RORA: variants seen among roughly 807,000 people sequenced by gnomAD.
RORA encodes nuclear receptor ROR-alpha.
RORA carries 7 observed loss-of-function variants against 69.5 expected under a neutral mutation model. The ratio of observed to expected loss-of-function variants is 0.10; its 90% CI spans 0.06 to 0.19. RORA has a LOEUF of 0.19. RORA is among the 10% of genes least tolerant of loss of function. RORA has a pLI of 1.00. For synonymous variants in RORA, 261 were observed against 240.8 expected, an observed-to-expected ratio of 1.08 and a Z score of -0.78; for missense variants, 457 against 663.0, an observed-to-expected ratio of 0.69 and a Z score of 3.41.
intron 1 of RORA, among the ~76,000 whole-genome samples, chr15:60,862,811 A>G (rs2073447540): frequency 1.3e-5 from 2 of 152,196 alleles, no homozygotes; most frequent in Non-Finnish European, 1.5e-5. Flanking sequence ...TCACAATTGT[A>G]TTGTACATCT....
chr15:61,036,070 G>A (rs1022631890), intron 1 of RORA, among the ~76,000 whole-genome samples: 16 of 152,260 alleles, frequency 1.1e-4, no homozygotes, highest in Admixed American at 2.0e-4. Context: ...AAAAGTTACC[G>A]AAAGATAACT....
At chr15:61,110,809 C>G (rs2078999576) in intron 1 of RORA, among the ~76,000 whole-genome samples, 1 of 152,212 alleles carries the variant, frequency 6.6e-6, no homozygotes, top group Non-Finnish European at 1.5e-5. Context: ...CTAACCTTCC[C>G]TGAGCTCCTT....
chr15:60,996,840 G>C (rs1339720447), intron 1 of RORA, among the ~76,000 whole-genome samples: 1 of 152,030 alleles, frequency 6.6e-6, no homozygotes, highest in South Asian at 2.1e-4. Flanking sequence ...AACCCAGGAG[G>C]CGGAGCTTGC....
At chr15:60,821,471 C>T (rs2072893119) in intron 1 of RORA, among the ~76,000 whole-genome samples, 1 of 152,236 alleles carries the variant, frequency 6.6e-6, no homozygotes, top group Non-Finnish European at 1.5e-5. Context: ...CCCAAAGTGG[C>T]TCAAAGGCTT....
chr15:60,562,425 CGGGGTTGGGGG>C (rs2140427103), intron 2 of RORA, among the ~76,000 whole-genome samples: 2 of 126,046 alleles, frequency 1.6e-5, no homozygotes, highest in African/African-American at 3.8e-5. Context: ...TTTTTTGAGG[CGGGGTTGGGGG>C]GGGGTTGCTT....
chr15:60,816,738 A>AAAAAT (rs562605420), intron 1 of RORA, among the ~76,000 whole-genome samples: 10 of 144,686 alleles, frequency 6.9e-5, no homozygotes, highest in East Asian at 2.1e-4. Context: ...GTATAATAAA[A>AAAAAT]AAAATAAAAT....
At chr15:60,553,482 C>A (rs1259338912) in intron 2 of RORA, among the ~76,000 whole-genome samples, 1 of 152,130 alleles carries the variant, frequency 6.6e-6, no homozygotes, top group Non-Finnish European at 1.5e-5. Flanking sequence ...ATAGAGAAAT[C>A]AAAAGAATGG....
At chr15:60,935,635 T>C (rs183069965) in intron 1 of RORA, among the ~76,000 whole-genome samples, 1 of 152,224 alleles carries the variant, frequency 6.6e-6, no homozygotes, top group Admixed American at 6.5e-5. Flanking sequence ...CATCCATTAC[T>C]TATTTATGTT....
At chr15:61,146,297 T>A (rs779612579) in intron 1 of RORA, among the ~76,000 whole-genome samples, 1 of 150,472 alleles carries the variant, frequency 6.6e-6, no homozygotes, top group Non-Finnish European at 1.5e-5. Flanking sequence ...GCCGACCATC[T>A]GTTGTCATCT....
chr15:60,739,866 G>A (rs1260155753), intron 1 of RORA, among the ~76,000 whole-genome samples: 2 of 152,060 alleles, frequency 1.3e-5, no homozygotes, highest in South Asian at 4.1e-4. Context: ...TGTACTTCTC[G>A]TGCTCTTTTT....
At chr15:61,040,163 T>TATATATAA (rs1491503044) in intron 1 of RORA, among the ~76,000 whole-genome samples, 5 of 108,962 alleles carry the variant, frequency 4.6e-5, no homozygotes, top group East Asian at 2.8e-4. Context: ...TATATATATA[T>TATATATAA]AAAATATATG....
intron 1 of RORA, among the ~76,000 whole-genome samples, chr15:60,817,870 A>G (rs1366807604): frequency 1.3e-5 from 2 of 152,240 alleles, no homozygotes; most frequent in Non-Finnish European, 2.9e-5. Flanking sequence ...CTGGGTCTGC[A>G]CACAGTAGGT....
chr15:60,788,329 T>C (rs992267413), intron 1 of RORA, among the ~76,000 whole-genome samples: 1 of 152,156 alleles, frequency 6.6e-6, no homozygotes, highest in Non-Finnish European at 1.5e-5. Context: ...TGCAATAGAA[T>C]GTGCTAAGTT....
chr15:61,184,079 A>T (rs140290438), intron 1 of RORA, among the ~76,000 whole-genome samples: 2 of 152,186 alleles, frequency 1.3e-5, no homozygotes, highest in Non-Finnish European at 2.9e-5. Context: ...TCAAAAACAC[A>T]TCTCTGAACA....
At chr15:60,670,985 A>C (rs548177702) in intron 2 of RORA, among the ~76,000 whole-genome samples, 1 of 151,478 alleles carries the variant, frequency 6.6e-6, no homozygotes, top group Non-Finnish European at 1.5e-5. Context: ...ATATAAGTGT[A>C]AATCCAGTCC....
Position 60,738,636 on chromosome 15 carries a change from C to T in RORA, c.167-59950G>A, listed in dbSNP as rs114738530. ...CATTATTCTTACATTCATTTTTGTC[C>T]TTCTGATTTGAAAAGAAATGAAAAT... is the stretch of plus-strand genomic sequence containing the variant. On this transcript the variant is annotated intron_variant, in intron 1 of 10. Coordinates refer to ENST00000335670, the MANE Select transcript of RORA (RefSeq NM_134261.3). Among the ~76,000 whole-genome samples, 138 of 152,296 alleles carry T rather than the reference C, an allele frequency of 9.1e-4. 1 individual carries two copies. The highest frequency in any genetic ancestry group is 3.3e-3 in the African/African-American group (137 of 41,560).
At chr15:61,156,007 C>A (rs1232785564) in intron 1 of RORA, among the ~76,000 whole-genome samples, 1 of 152,148 alleles carries the variant, frequency 6.6e-6, no homozygotes, top group Non-Finnish European at 1.5e-5. Flanking sequence ...GGGTGTTAAT[C>A]CAGCTGTAAC....
intron 1 of RORA, among the ~76,000 whole-genome samples, chr15:60,975,064 A>T (rs1219542660): frequency 2.0e-5 from 3 of 152,170 alleles, no homozygotes; most frequent in African/African-American, 7.2e-5. Context: ...AGGGGAGCTG[A>T]GAGGCTACTG....
At position 61,156,065 on chromosome 15, in the gene RORA, T is replaced by C. The variant is rs369176075; in HGVS notation, c.166+72988A>G. Among the ~76,000 whole-genome samples the C allele has an allele frequency of 3.3e-5, 5 of 152,082 alleles. No homozygotes were observed. The East Asian group carries it at 5.8e-4, about 18-fold the overall frequency. On this transcript the variant is annotated intron_variant, in intron 1 of 10. Coordinates refer to ENST00000335670, the MANE Select transcript of RORA (RefSeq NM_134261.3). ...CTTTTCTGGAAGATAGTCCCTGAAA[T>C]TTTGCAGAAGAAAAAAAAAATCTCA...
Sources: allele counts gnomAD v4.1 joint callset (sites outside exome capture counted in the v4.1 genomes callset), GRCh38; gene constraint gnomAD v4.1.1; transcripts MANE v1.5; gene names NCBI Gene and HGNC (gene_info 2026-07-23, HGNC 2026-07-21).